Variants in DACH2 observed in about 807,000 individuals in gnomAD.
The protein encoded by DACH2 is dachshund family transcription factor 2, also known as dachshund homolog 2.
A neutral mutation model predicts 35.8 loss-of-function variants in DACH2; 17 were observed. The ratio of observed to expected loss-of-function variants is 0.48; its 90% confidence interval spans 0.33 to 0.71. The LOEUF is 0.71. DACH2 is among the 30% of genes least tolerant of loss of function. The probability of loss-of-function intolerance (pLI) is 0.02; values close to 1 mark genes in which losing one functional copy is unlikely to be tolerated. For synonymous variants in DACH2, 195 were observed against 177.3 expected, an observed-to-expected ratio of 1.10 and a Z score of -0.79; for missense variants, 469 against 472.7, an observed-to-expected ratio of 0.99 and a Z score of 0.07.
chrX:86,708,224 G>C (rs995937763), intron 5 of DACH2, among the ~76,000 whole-genome samples: 1 of 110,212 alleles, frequency 9.1e-6, no homozygotes, highest in African/African-American at 3.3e-5. Context: ...CCCTAAGATC[G>C]AAAACAAGGG....
chrX:86,539,287 G>T (rs778709255), intron 3 of DACH2, among the ~76,000 whole-genome samples: 8 of 111,128 alleles, frequency 7.2e-5, no homozygotes, highest in African/African-American at 1.3e-4. Context: ...TTCACTTTCT[G>T]CCATGATTGT....
At chrX:86,618,873 C>T (rs975338220) in intron 3 of DACH2, among the ~76,000 whole-genome samples, 14 of 111,831 alleles carry the variant, frequency 1.3e-4, no homozygotes, top group Middle Eastern at 4.7e-3. Context: ...AGAATTTATA[C>T]TTGCTTATTT....
intron 5 of DACH2, among the ~76,000 whole-genome samples, chrX:86,702,956 A>G (rs770585683): frequency 3.6e-5 from 4 of 111,280 alleles, no homozygotes; most frequent in Admixed American, 9.7e-5. Context: ...CAAGAAAGGC[A>G]CATAACCAAA....
At chrX:86,217,120 G>T (rs1260113191) in intron 1 of DACH2, among the ~76,000 whole-genome samples, 1 of 106,117 alleles carries the variant, frequency 9.4e-6, no homozygotes, top group African/African-American at 3.4e-5. Context: ...AGGAAGAAAA[G>T]AAACAGAAGT....
chrX:86,670,347 T>C (rs759231609), intron 4 of DACH2, among the ~76,000 whole-genome samples: 1 of 111,993 alleles, frequency 8.9e-6, no homozygotes, highest in East Asian at 2.8e-4. Flanking sequence ...GATTACTTTA[T>C]TGTAGGACAT....
chrX:86,264,911 C>A (rs1176410408), intron 1 of DACH2, among the ~76,000 whole-genome samples: 4 of 110,706 alleles, frequency 3.6e-5, no homozygotes, highest in Non-Finnish European at 7.6e-5. Context: ...GTTCTCAGGT[C>A]TCTGTGGGAA....
intron 1 of DACH2, among the ~76,000 whole-genome samples, chrX:86,172,988 G>A (rs1015821868): frequency 3.6e-5 from 4 of 111,912 alleles, no homozygotes; most frequent in Non-Finnish European, 7.5e-5. Flanking sequence ...AGAGACAACA[G>A]CATAATATTG....
At chrX:86,339,247 G>T (rs2148058686) in intron 1 of DACH2, among the ~76,000 whole-genome samples, 1 of 111,883 alleles carries the variant, frequency 8.9e-6, no homozygotes, top group Admixed American at 9.6e-5. Flanking sequence ...ATCTCTTAAA[G>T]AGAAATGACA....
intron 1 of DACH2, among the ~76,000 whole-genome samples, chrX:86,177,379 A>C (rs2031337482): frequency 8.9e-6 from 1 of 112,130 alleles, no homozygotes; most frequent in Non-Finnish European, 1.9e-5. Flanking sequence ...CTCACATGGA[A>C]GCTACTTAAA....
At chrX:86,228,003 G>A (rs2032863606) in intron 1 of DACH2, among the ~76,000 whole-genome samples, 1 of 109,918 alleles carries the variant, frequency 9.1e-6, no homozygotes, top group South Asian at 3.9e-4. Context: ...TGAGGTACAG[G>A]TGGTATTTGG....
intron 2 of DACH2, among the ~76,000 whole-genome samples, chrX:86,453,745 T>G: frequency 9.0e-6 from 1 of 111,587 alleles, no homozygotes; most frequent in Middle Eastern, 4.6e-3. Context: ...AGCATACCAG[T>G]GGGTCTTGGT....
At chrX:86,312,582 A>T (rs1304155019) in intron 1 of DACH2, among the ~76,000 whole-genome samples, 1 of 111,731 alleles carries the variant, frequency 9.0e-6, no homozygotes, top group Non-Finnish European at 1.9e-5. Context: ...GGGAAGGCAG[A>T]TCTACCCTTA....
chrX:86,421,578 C>T (rs2036803926), intron 2 of DACH2, among the ~76,000 whole-genome samples: 2 of 111,262 alleles, frequency 1.8e-5, no homozygotes, highest in African/African-American at 6.5e-5. Context: ...AAAGATAAAT[C>T]CAAATCCCCA....
chrX:86,378,738 T>C (rs1420850630), intron 2 of DACH2, among the ~76,000 whole-genome samples: 1 of 110,719 alleles, frequency 9.0e-6, no homozygotes, highest in Non-Finnish European at 1.9e-5. Flanking sequence ...CTCAAGATAT[T>C]GCAATTGCAA....
At chrX:86,586,542 T>C (rs2039573230) in intron 3 of DACH2, among the ~76,000 whole-genome samples, 1 of 111,215 alleles carries the variant, frequency 9.0e-6, no homozygotes, top group Non-Finnish European at 1.9e-5. Flanking sequence ...TTTTTACATT[T>C]AAGTTTTTAC....
intron 7 of DACH2, among the ~76,000 whole-genome samples, chrX:86,749,983 A>AT (rs1192305841): frequency 9.1e-6 from 1 of 110,177 alleles, no homozygotes; most frequent in South Asian, 3.8e-4. Flanking sequence ...ATTCTTTACA[A>AT]TTTTTTTCTG....
chrX:86,618,834 G>A (rs758098034), intron 3 of DACH2, among the ~76,000 whole-genome samples: 34 of 111,571 alleles, frequency 3.0e-4, no homozygotes, highest in Admixed American at 2.3e-3. Flanking sequence ...TTTTAAAATA[G>A]AAAGTTTTGA....
At chrX:86,361,675 T>C (rs1480366459) in intron 1 of DACH2, among the ~76,000 whole-genome samples, 1 of 111,987 alleles carries the variant, frequency 8.9e-6, no homozygotes, top group Non-Finnish European at 1.9e-5. Context: ...TACTATTACA[T>C]AAAGATATAA....
chrX:86,151,884 T>A (rs1418833583), intron 1 of DACH2, among the ~76,000 whole-genome samples: 1 of 108,482 alleles, frequency 9.2e-6, no homozygotes, highest in Non-Finnish European at 1.9e-5. Context: ...AGTGAGAGAG[T>A]AGAAATGCAG....
Sources: allele counts gnomAD v4.1 joint callset (sites outside exome capture counted in the v4.1 genomes callset), GRCh38; gene constraint gnomAD v4.1.1; transcripts MANE v1.5; gene names NCBI Gene and HGNC (gene_info 2026-07-23, HGNC 2026-07-21).